STPG2: variants seen among roughly 807,000 people sequenced by gnomAD.
The protein encoded by STPG2 is sperm-tail PG-rich repeat-containing protein 2.
Under a neutral mutation model 54.2 loss-of-function variants are expected in STPG2, and 56 were observed. That is an observed-to-expected ratio of 1.03 (90% CI 0.83 to 1.29). STPG2 has a LOEUF of 1.29. Ranked by LOEUF, STPG2 falls within the 50% of genes most tolerant of loss-of-function variation. The pLI is 0.00. For synonymous variants in STPG2, 200 were observed against 181.8 expected (o/e 1.10, Z -0.81); for missense variants, 596 against 544.9 (o/e 1.09, Z -0.93).
chr4:97,601,149 C>T (rs753341708), intron 10 of STPG2, among the ~76,000 whole-genome samples: 6 of 151,890 alleles, frequency 4.0e-5, no homozygotes, highest in Non-Finnish European at 7.4e-5. Flanking sequence ...AATGTGCCTT[C>T]GTATTTATTT....
At chr4:97,832,715 A>C (rs963678821) in intron 9 of STPG2, among the ~76,000 whole-genome samples, 1 of 152,184 alleles carries the variant, frequency 6.6e-6, no homozygotes, top group South Asian at 2.1e-4. Flanking sequence ...CTATACACCA[A>C]TAACAGACAA....
At chr4:97,673,206 C>T (rs1207741712) in intron 10 of STPG2, among the ~76,000 whole-genome samples, 2 of 152,174 alleles carry the variant, frequency 1.3e-5, no homozygotes, top group African/African-American at 4.8e-5. Context: ...GTTGATGTTA[C>T]AAGTGTGGTG....
At chr4:97,767,700 G>A (rs1300694924) in intron 9 of STPG2, among the ~76,000 whole-genome samples, 1 of 152,022 alleles carries the variant, frequency 6.6e-6, no homozygotes, top group Non-Finnish European at 1.5e-5. Flanking sequence ...ATTTGAATGT[G>A]TTATTTTAAT....
intron 7 of STPG2, among the ~76,000 whole-genome samples, chr4:97,968,688 CAT>C (rs1456829145): frequency 2.6e-5 from 4 of 152,186 alleles, no homozygotes; most frequent in African/African-American, 7.2e-5. Flanking sequence ...ACAAAAACCA[CAT>C]GATTATCTCA....
intron 5 of STPG2, among the ~76,000 whole-genome samples, chr4:98,053,339 C>A (rs1001941145): frequency 1.3e-4 from 20 of 152,122 alleles, no homozygotes; most frequent in African/African-American, 4.8e-4. Context: ...CCACTCTCAA[C>A]CCTTCATGTA....
chr4:97,935,395 ATCTT>A (rs1297616006), intron 8 of STPG2, among the ~76,000 whole-genome samples: 1 of 151,986 alleles, frequency 6.6e-6, no homozygotes, highest in Non-Finnish European at 1.5e-5. Flanking sequence ...TTCCAATCTG[ATCTT>A]AGTTATTTCT....
intron 9 of STPG2, among the ~76,000 whole-genome samples, chr4:97,821,066 A>C (rs1351513979): frequency 2.6e-5 from 4 of 152,150 alleles, no homozygotes; most frequent in Non-Finnish European, 5.9e-5. Context: ...CCAAGCCCCA[A>C]GTCCAAAGTC....
intron 4 of STPG2, among the ~76,000 whole-genome samples, chr4:97,496,920 G>C (rs1055454954): frequency 6.6e-6 from 1 of 150,414 alleles, no homozygotes; most frequent in Non-Finnish European, 1.5e-5. Flanking sequence ...TTAAGAAAGA[G>C]AAAATAATAT....
chr4:98,013,185 C>T (rs1578779637), intron 5 of STPG2, among the ~76,000 whole-genome samples: 1 of 152,238 alleles, frequency 6.6e-6, no homozygotes, highest in Non-Finnish European at 1.5e-5. Flanking sequence ...TATTGAATGT[C>T]TTTTCTGCAT....
At chr4:97,540,302 G>C (rs112956889) in intron 4 of STPG2, among the ~76,000 whole-genome samples, 1 of 152,004 alleles carries the variant, frequency 6.6e-6, no homozygotes, top group Non-Finnish European at 1.5e-5. Context: ...TATCACCACC[G>C]ATCCCACAGA....
chr4:97,754,288 G>A (rs868852762), intron 9 of STPG2, among the ~76,000 whole-genome samples: 16 of 152,072 alleles, frequency 1.1e-4, no homozygotes, highest in African/African-American at 3.9e-4. Flanking sequence ...AACAGTCCCT[G>A]TTTTAGCTGG....
In STPG2 at chr4:98,090,559, G is replaced by A. The variant is rs189659322; in HGVS notation, c.612+15394C>T. Among the ~76,000 whole-genome samples the A allele has an allele frequency of 3.1e-4, 47 of 151,868 alleles. 1 individual carries two copies. The highest frequency in any genetic ancestry group is 5.0e-4 in the Non-Finnish European group (34 of 67,852). ...TGCAGGCTTTTTTTTTGTTCCACAT[G>A]GATTTCAGAATTGTTTACCTTAATT... On this transcript the variant is annotated intron_variant, in intron 5 of 10. Transcript: ENST00000295268.
At chr4:97,823,976 C>T (rs1728175028) in intron 9 of STPG2, among the ~76,000 whole-genome samples, 1 of 152,098 alleles carries the variant, frequency 6.6e-6, no homozygotes, top group African/African-American at 2.4e-5. Flanking sequence ...AGTAAAGTCC[C>T]TCTTGGCTAA....
At chr4:97,929,888 C>A (rs771322164) in intron 8 of STPG2, among the ~76,000 whole-genome samples, 1 of 151,862 alleles carries the variant, frequency 6.6e-6, no homozygotes, top group African/African-American at 2.4e-5. Flanking sequence ...CAAATCCCAT[C>A]TTCCAGTTTT....
At chr4:98,123,363 A>G (rs1481565514) in intron 3 of STPG2, among the ~76,000 whole-genome samples, 1 of 152,164 alleles carries the variant, frequency 6.6e-6, no homozygotes, top group Non-Finnish European at 1.5e-5. Context: ...CTTTAGCTGC[A>G]TCTCAGAGAT....
chr4:97,838,989 T>C (rs1394966800), intron 9 of STPG2, among the ~76,000 whole-genome samples: 1 of 151,552 alleles, frequency 6.6e-6, no homozygotes, highest in African/African-American at 2.4e-5. Context: ...ATAAACTCTT[T>C]TCATTTCACA....
At chr4:97,997,907 G>A (rs1177735614) in intron 5 of STPG2, among the ~76,000 whole-genome samples, 1 of 151,990 alleles carries the variant, frequency 6.6e-6, no homozygotes, top group Non-Finnish European at 1.5e-5. Flanking sequence ...AACCTGCCCA[G>A]GTACCCCGAA....
chr4:97,544,888 G>A (rs1308808568), intron 4 of STPG2, among the ~76,000 whole-genome samples: 1 of 152,084 alleles, frequency 6.6e-6, no homozygotes, highest in Non-Finnish European at 1.5e-5. Flanking sequence ...AGGTAAACTG[G>A]TAAATGCTAA....
chr4:97,641,379 A>C (rs1235980237), intron 10 of STPG2, among the ~76,000 whole-genome samples: 3 of 151,546 alleles, frequency 2.0e-5, no homozygotes, highest in African/African-American at 7.2e-5. Context: ...AATCATATGA[A>C]TCAATCCTTC....
Sources: gnomAD v4.1 joint callset for allele counts (sites outside exome capture counted in the v4.1 genomes callset) on GRCh38, gnomAD v4.1.1 for gene constraint, MANE v1.5 for transcripts, NCBI Gene and HGNC (gene_info 2026-07-23, HGNC 2026-07-21) for gene names.